Variants in CCDC7 observed in about 807,000 individuals in gnomAD.
CCDC7 encodes the protein coiled-coil domain-containing protein 7.
In CCDC7, 183 loss-of-function variants were observed where a neutral mutation model predicts 196.9. That is an observed-to-expected ratio of 0.93 (90% CI 0.82 to 1.05). The LOEUF (loss-of-function observed/expected upper bound fraction) is 1.05. Ranked by LOEUF, CCDC7 falls within the 50% of genes least tolerant of loss-of-function variation. The probability of loss-of-function intolerance (pLI) is 0.00; values close to 1 mark genes in which losing one functional copy is unlikely to be tolerated. For synonymous variants in CCDC7, 525 were observed against 484.6 expected (o/e 1.08, Z -1.10); for missense variants, 1,540 against 1,482.2 (o/e 1.04, Z -0.64).
chr10:32,848,045 A>G, intron 38 of CCDC7, 129 bp downstream of exon 39: 1 of 530,658 alleles, frequency 1.9e-6, no homozygotes, highest in Non-Finnish European at 3.2e-6. Context: ...ATTTTCTCAT[A>G]TAATTAGTTA....
chr10:32,850,531 A>G (rs1307177073), intron 39 of CCDC7, among the ~76,000 whole-genome samples: 1 of 152,174 alleles, frequency 6.6e-6, no homozygotes, highest in African/African-American at 2.4e-5. Context: ...CAAGTAGGCA[A>G]GAACACAGAG....
intron 13 of CCDC7, 125 bp downstream of exon 14, chr10:32,544,426 CTG>C (rs955179261): frequency 1.6e-3 from 1,379 of 875,594 alleles, no homozygotes; most frequent in South Asian, 1.8e-3. Context: ...GTATGTGTCT[CTG>C]TGTGTGTGTG....
Position 32,824,498 on chromosome 10 carries a change from ATC to A in CCDC7, c.3182-18_3182-17del. The A allele has an allele frequency of 6.5e-7, 1 of 1,535,814 alleles. No homozygotes were observed. Among genetic ancestry groups the A allele is most frequent in the Non-Finnish European group, 8.9e-7 (1 of 1,119,218 alleles). ...ATTTACATTAAAAAAGTGTTTTGAA[ATC>A]TGTTTACTTTTTTATAGAGACTGAT... On this transcript the variant is annotated intron_variant, in intron 31 of 41. Transcript: ENST00000639629.
intron 29 of CCDC7, among the ~76,000 whole-genome samples, chr10:32,793,387 T>C (rs2083030301): frequency 6.6e-6 from 1 of 152,194 alleles, no homozygotes; most frequent in Non-Finnish European, 1.5e-5. Context: ...AAATATAAAT[T>C]GAAGCCTTGT....
chr10:32,638,559 C>T (rs985823303), intron 20 of CCDC7, among the ~76,000 whole-genome samples: 7 of 152,186 alleles, frequency 4.6e-5, no homozygotes, highest in African/African-American at 1.7e-4. Flanking sequence ...TTGAACCAGC[C>T]TTGCATCCCA....
intron 18 of CCDC7, among the ~76,000 whole-genome samples, chr10:32,604,389 T>C (rs936009999): frequency 6.6e-6 from 1 of 152,192 alleles, no homozygotes; most frequent in Non-Finnish European, 1.5e-5. Context: ...AATTTGGCTC[T>C]TTTTGCCCAG....
At chr10:32,876,575 G>A, downstream of CCDC7, 1 of 467,758 alleles carries the variant, frequency 2.1e-6, no homozygotes, top group Non-Finnish European at 3.8e-6. Flanking sequence ...GCCTGACCAG[G>A]CAGTGGTGAG....
At chr10:32,774,290 CTT>C (rs764117469) in intron 28 of CCDC7, among the ~76,000 whole-genome samples, 28 of 145,552 alleles carry the variant, frequency 1.9e-4, no homozygotes, top group Non-Finnish European at 2.4e-4. Context: ...GAACCTTCCC[CTT>C]TTTTTTTTTT....
chr10:32,660,125 CT>C (rs1190072188), intron 20 of CCDC7, among the ~76,000 whole-genome samples: 11 of 148,036 alleles, frequency 7.4e-5, no homozygotes, highest in African/African-American at 2.5e-4. Context: ...TTTTTTTTTT[CT>C]TTTTTTTTAA....
chr10:32,847,657 G>C (rs1046972020), intron 37 of CCDC7, among the ~76,000 whole-genome samples, 176 bp from the exon 39 acceptor site: 3 of 111,314 alleles, frequency 2.7e-5, no homozygotes, highest in African/African-American at 1.3e-4. Flanking sequence ...TGAAACTGCA[G>C]TCAGCCATGT....
At chr10:32,472,001 A>G (rs1056228924) in intron 6 of CCDC7, among the ~76,000 whole-genome samples, 1 of 152,214 alleles carries the variant, frequency 6.6e-6, no homozygotes, top group African/African-American at 2.4e-5. Context: ...TTTATGAGAA[A>G]GGTACTATTA....
intron 9 of CCDC7, among the ~76,000 whole-genome samples, chr10:32,507,404 C>T (rs1212525502): frequency 6.6e-6 from 1 of 152,056 alleles, no homozygotes; most frequent in Non-Finnish European, 1.5e-5. Flanking sequence ...AATCAATTTA[C>T]ACTTAAATAT....
intron 29 of CCDC7, among the ~76,000 whole-genome samples, chr10:32,799,351 C>T (rs530574263): frequency 2.6e-5 from 4 of 152,308 alleles, no homozygotes; most frequent in Admixed American, 6.5e-5. Context: ...TGACACTTCA[C>T]GCACCATTGG....
chr10:32,446,118 C>T (rs1252429701), upstream of CCDC7: 1 of 152,112 alleles, frequency 6.6e-6, no homozygotes, highest in Non-Finnish European at 1.5e-5. Flanking sequence ...GTCGTGGCGT[C>T]GGGCGCCTGG....
chr10:32,828,439 GAGAAGAAGAAGAAGA>G (rs71030014), intron 32 of CCDC7, among the ~76,000 whole-genome samples: 1 of 56,756 alleles, frequency 1.8e-5, no homozygotes, highest in Non-Finnish European at 4.8e-5. Flanking sequence ...AGGAAGGAAG[GAGAAGAAGAAGAAGA>G]AGAAGAAGAA....
intron 3 of CCDC7, among the ~76,000 whole-genome samples, chr10:32,461,748 TATACATATATATATATGCAC>T (rs2035776751): frequency 1.4e-5 from 1 of 71,606 alleles, no homozygotes; most frequent in Non-Finnish European, 2.7e-5. Flanking sequence ...TATATATATA[TATACATATATATATATGCAC>T]ATATGTACAT....
chr10:32,593,967 T>G (rs956316549), intron 18 of CCDC7, among the ~76,000 whole-genome samples: 10 of 152,210 alleles, frequency 6.6e-5, no homozygotes, highest in East Asian at 1.9e-4. Flanking sequence ...TAGTATAGTT[T>G]GAAGTCAGGT....
intron 16 of CCDC7, among the ~76,000 whole-genome samples, chr10:32,572,774 T>G (rs77317324): frequency 0.028 from 4,237 of 151,862 alleles, 217 homozygotes; most frequent in African/African-American, 0.096. Flanking sequence ...CATTTGAGAA[T>G]GTATAAGAAA....
At chr10:32,879,375 T>C (rs927512781), downstream of CCDC7, among the ~76,000 whole-genome samples, 2 of 152,114 alleles carry the variant, frequency 1.3e-5, no homozygotes, top group African/African-American at 4.8e-5. Context: ...GCAGCATCCA[T>C]GATTTGAAGT....
Sources: allele counts gnomAD v4.1 joint callset (sites outside exome capture counted in the v4.1 genomes callset), GRCh38; gene constraint gnomAD v4.1.1; transcripts MANE v1.5; gene names NCBI Gene and HGNC (gene_info 2026-07-23, HGNC 2026-07-21).